The following TTI1 variants were observed in gnomAD, a reference collection of about 807,000 sequenced individuals.
The protein encoded by TTI1 is TELO2 interacting protein 1.
Under a neutral mutation model 85.4 loss-of-function variants are expected in TTI1, and 52 were observed. The observed-to-expected ratio is 0.61, with a 90% CI of 0.49 to 0.77. TTI1 has a LOEUF of 0.77. Ranked by LOEUF, TTI1 falls within the 30% of genes least tolerant of loss-of-function variation. The pLI is 0.00. For missense variants in TTI1, 1,173 were observed against 1,296.0 expected (o/e 0.91, Z 1.46); for synonymous variants, 512 against 503.9 (o/e 1.02, Z -0.22).
intron 5 of TTI1, 111 bp downstream of exon 5, chr20:37,999,077 A>C: frequency 8.6e-7 from 1 of 1,166,470 alleles, no homozygotes; most frequent in African/African-American, 1.6e-5. Flanking sequence ...CTTTCTTCAC[A>C]GTATGTGACA....
intron 1 of TTI1, among the ~76,000 whole-genome samples, chr20:38,014,181 A>G (rs2073647501): frequency 6.6e-6 from 1 of 152,180 alleles, no homozygotes; most frequent in Non-Finnish European, 1.5e-5. Context: ...TCTGTGGACT[A>G]TTTTCAGGAG....
chr20:38,011,686 G>A lies in TTI1; in HGVS notation c.2131C>T (p.Leu711=). 1 of 1,614,250 alleles carries A rather than the reference G, an allele frequency of 6.2e-7. No individual in the cohort carries two copies. The highest frequency in any genetic ancestry group is 8.5e-7 in the Non-Finnish European group (1 of 1,180,050). The change falls in exon 2 of 8, where the codon CTG becomes TTG. Residue 711 remains leucine, a synonymous_variant. Coordinates refer to ENST00000373447, the MANE Select transcript of TTI1 (RefSeq NM_001303457.2). ...GISLNLRHLA[L]HPHTPKVLEV... ...AGGACCTTTGGGGTATGAGGATGCA[G>A]AGCCAGATGACGCAGATTTAAAGAG...
intron 2 of TTI1, among the ~76,000 whole-genome samples, chr20:38,007,359 T>C (rs564831437): frequency 6.6e-6 from 1 of 152,294 alleles, no homozygotes; most frequent in African/African-American, 2.4e-5. Flanking sequence ...CAGAATAAAC[T>C]TCTAACATCA....
At position 38,028,194 on chromosome 20, in the gene TTI1, G is replaced by C. The variant is rs539473532; in HGVS notation, c.-42+5210C>G. ...AGAGGGTCAACTATAATTGTATTAAGCATAAAAGGTCTAAATACATCAATT... is the reference window on the plus strand; with the variant it reads ...AGAGGGTCAACTATAATTGTATTAACCATAAAAGGTCTAAATACATCAATT... On this transcript the variant is annotated intron_variant, in intron 1 of 7. Transcript: ENST00000373447. 2.0e-5 allele frequency among the ~76,000 whole-genome samples: 3 copies of C among 152,264 alleles called. 1 individual carries two copies. In the East Asian group the frequency reaches 5.8e-4, roughly 29 times the overall value.
rs201206099 is a variant in TTI1 at position 38,011,765 on chromosome 20, G to C, written c.2052C>G (p.Tyr684Ter). 13 of 1,614,038 alleles carry C rather than the reference G, an allele frequency of 8.1e-6. No homozygotes were observed. Among genetic ancestry groups the C allele is most frequent in the Non-Finnish European group, 9.3e-6 (11 of 1,180,044 alleles). Residue 684 changes from tyrosine (Y) to a stop codon, truncating the protein, a stop_gained, in exon 2 of 8, where the codon TAC becomes TAG. Coordinates refer to ENST00000373447, the MANE Select transcript of TTI1 (RefSeq NM_001303457.2). LOFTEE classifies it high-confidence loss of function. ...GATTGATCAGGTGCTGCAGGGAGTC[G>C]TAGCCACAAGCACGGCAAACGTCCA... ...TMMDVCRACG[Y>*]DSLQHLINQN... is the part of the protein sequence containing the mutation.
chr20:37,999,289 A>ACTGAAGAACAACCACACACAGATC lies in TTI1; in HGVS notation c.2668_2691dup (p.Asp890_Gln897dup), dbSNP rs765942788. ...AAGGGAAGCAGCTGGTTTTTGTGGG[A>ACTGAAGAACAACCACACACAGATC]CTGAAGAACAACCACACACAGATCC... On this transcript the variant is annotated inframe_insertion, in exon 5 of 8. Transcript: ENST00000373447. The ACTGAAGAACAACCACACACAGATC allele has an allele frequency of 6.6e-7, 1 of 1,516,756 alleles. No individual in the cohort carries two copies. Among genetic ancestry groups the ACTGAAGAACAACCACACACAGATC allele is most frequent in the African/African-American group, 1.4e-5 (1 of 70,746 alleles). 94.0% of individuals were successfully genotyped at this position (1,516,756 alleles called of 1,614,324 possible). A position where few individuals can be genotyped will look rare whatever the true frequency, so the allele number is the denominator to read the frequency against.
In TTI1 at chr20:37,983,374, G is replaced by T; in HGVS notation, c.*82C>A. ...CACCTTCTCTGCTGCCGCTGCCACC[G>T]CCTATGGCCGGGGTGGGGTCAGCCC... is the stretch of plus-strand genomic sequence containing the variant. On this transcript the variant is annotated 3_prime_UTR_variant, in exon 8 of 8. Coordinates refer to ENST00000373447, the MANE Select transcript of TTI1 (RefSeq NM_001303457.2). The T allele has an allele frequency of 2.1e-6, 3 of 1,435,046 alleles. No homozygotes were observed. The highest frequency in any genetic ancestry group is 2.8e-6 in the Non-Finnish European group (3 of 1,065,256). The allele number at this position is 1,435,046 out of a possible 1,614,324, so 88.9% of individuals were successfully genotyped here.
chr20:38,013,163 G>C lies in TTI1; in HGVS notation c.654C>G (p.Thr218=), dbSNP rs1430223338. The change falls in exon 2 of 8, where the codon ACC becomes ACG. Residue 218 remains threonine (T), a synonymous_variant. Coordinates refer to ENST00000373447, the MANE Select transcript of TTI1 (RefSeq NM_001303457.2). ...GTTTAAAGTCTCCTGTGATAAGCCT[G>C]GTCAGTGCAGTTGAGATTCCAGGTA... is the stretch of plus-strand genomic sequence containing the variant. ...SFLPGISTAL[T]RLITGDFKQG... 1.2e-6 allele frequency: 2 copies of C among 1,614,110 alleles called. No homozygotes were observed. Among genetic ancestry groups the C allele is most frequent in the Admixed American group, 1.7e-5 (1 of 60,022 alleles).
At chr20:38,016,731 C>A (rs993332275) in intron 1 of TTI1, among the ~76,000 whole-genome samples, 12 of 152,180 alleles carry the variant, frequency 7.9e-5, no homozygotes, top group Non-Finnish European at 1.8e-4. Flanking sequence ...CCTCTCTGGC[C>A]CTTTGGCTTG....
At chr20:38,029,567 C>CG (rs2073878943) in intron 1 of TTI1, among the ~76,000 whole-genome samples, 2 of 131,280 alleles carry the variant, frequency 1.5e-5, no homozygotes, top group Non-Finnish European at 3.1e-5. Flanking sequence ...AGTGAGTGAG[C>CG]AAGAGAGAGA....
At chr20:37,999,108 C>G (rs2073382664) in intron 5 of TTI1, 80 bp downstream of exon 5, 2 of 1,306,420 alleles carry the variant, frequency 1.5e-6, no homozygotes, top group Non-Finnish European at 2.0e-6. Flanking sequence ...GTGAAGAGAA[C>G]CAATCCAAAA....
chr20:37,987,602 C>T (rs952647308), intron 7 of TTI1, among the ~76,000 whole-genome samples: 4 of 152,202 alleles, frequency 2.6e-5, no homozygotes, highest in African/African-American at 7.2e-5. Context: ...GTGCCACATG[C>T]CTCCGAGTGT....
chr20:38,030,544 C>T (rs942962450), intron 1 of TTI1, among the ~76,000 whole-genome samples: 1 of 151,782 alleles, frequency 6.6e-6, no homozygotes, highest in Non-Finnish European at 1.5e-5. Context: ...CACACACACA[C>T]ACACACACAC....
Position 38,013,789 on chromosome 20 carries a change from C to G in TTI1, c.28G>C (p.Ala10Pro). 6.2e-7 allele frequency: 1 copy of G among 1,613,704 alleles called. No homozygotes were observed. The highest frequency in any genetic ancestry group is 8.5e-7 in the Non-Finnish European group (1 of 1,179,998). ...CAGACTGGACGTAAGACACCAAAGG[C>G]CTCCTCAGGAGTATCAAAAACTGCC... MAVFDTPEE[A>P]FGVLRPVCVQ... Residue 10 changes from alanine (A) to proline (P), a missense_variant, in exon 2 of 8, where the codon GCC (alanine) becomes CCC (proline). By Grantham distance (27) the Ala-to-Pro change is conservative. Transcript: ENST00000373447.
In TTI1 at chr20:37,983,584, C is replaced by T. The variant is rs140810559; in HGVS notation, c.3142G>A (p.Glu1048Lys). ...DPDSTWFLLN[E>K]LYCPVQFTPP... ...GTGAACTGCACGGGGCAGTAAAGCT[C>T]GTTCAGGAGGAACCAGGTGGAGTCT... The change falls in exon 8 of 8, where the codon GAG becomes AAG. Residue 1048 changes from glutamate to lysine, a missense_variant. By Grantham distance (56) the Glu-to-Lys change is moderately conservative. Coordinates refer to ENST00000373447, the MANE Select transcript of TTI1 (RefSeq NM_001303457.2). The T allele has an allele frequency of 7.0e-6, 11 of 1,574,180 alleles. No individual in the cohort carries two copies. Among genetic ancestry groups the T allele is most frequent in the East Asian group, 2.3e-5 (1 of 43,498 alleles).
chr20:37,985,445 G>C (rs1287620239), intron 7 of TTI1, among the ~76,000 whole-genome samples: 1 of 152,040 alleles, frequency 6.6e-6, no homozygotes, highest in Non-Finnish European at 1.5e-5. Context: ...AGCCAGTCTT[G>C]ATATCATCCT....
intron 1 of TTI1, among the ~76,000 whole-genome samples, chr20:38,025,074 C>G (rs181457995): frequency 1.6e-4 from 24 of 152,282 alleles, no homozygotes; most frequent in Admixed American, 1.4e-3. Flanking sequence ...GGACTTCTAC[C>G]TCCACCTGGC....
chr20:38,011,437 CA>C, intron 2 of TTI1, 77 bp downstream of exon 2: 1 of 1,509,754 alleles, frequency 6.6e-7, no homozygotes, highest in Non-Finnish European at 8.9e-7. Flanking sequence ...ACAAACAATG[CA>C]AAAAACGAGG....
At position 38,022,212 on chromosome 20, in the gene TTI1, C is replaced by T. The variant is rs76145218; in HGVS notation, c.-41-8355G>A. Among the ~76,000 whole-genome samples the T allele has an allele frequency of 9.3e-3, 1,411 of 152,324 alleles. 25 individuals are homozygous for T. Among genetic ancestry groups the T allele is most frequent in the African/African-American group, 0.033 (1,354 of 41,560 alleles). ...CATTTGGTCAGGGCCTTTGCACTTG[C>T]TGTTCTCTCCCCCATGTCCTCAGGG... On this transcript the variant is annotated intron_variant, in intron 1 of 7. Coordinates refer to ENST00000373447, the MANE Select transcript of TTI1 (RefSeq NM_001303457.2).
Sources: allele counts gnomAD v4.1 joint callset (sites outside exome capture counted in the v4.1 genomes callset), GRCh38; gene constraint gnomAD v4.1.1; transcripts MANE v1.5; gene names NCBI Gene and HGNC (gene_info 2026-07-23, HGNC 2026-07-21).